Variants in AHCYL2 observed in about 807,000 individuals in gnomAD.
AHCYL2 encodes the protein adenosylhomocysteinase like 2, also known as S-adenosylhomocysteine hydrolase-like protein 2.
AHCYL2 carries 28 observed loss-of-function variants against 81.4 expected under a neutral mutation model. That is an observed-to-expected ratio of 0.34 (90% confidence interval 0.25 to 0.47). AHCYL2 has a LOEUF of 0.47. Ranked by LOEUF, AHCYL2 falls within the 20% of genes least tolerant of loss-of-function variation. The pLI is 1.00. For missense variants in AHCYL2, 551 were observed against 785.1 expected (o/e 0.70, Z 3.56); for synonymous variants, 272 against 290.2 (o/e 0.94, Z 0.64).
chr7:129,286,909 G>C (rs1385401340), intron 1 of AHCYL2, among the ~76,000 whole-genome samples: 1 of 152,042 alleles, frequency 6.6e-6, no homozygotes, highest in East Asian at 1.9e-4. Flanking sequence ...AACCCGCCAT[G>C]TGTTATTTAT....
chr7:129,422,776 C>T (rs1797173757), intron 12 of AHCYL2, 64 bp from the exon 13 acceptor site: 2 of 1,463,350 alleles, frequency 1.4e-6, no homozygotes, highest in Admixed American at 1.7e-5. Context: ...CTCCCTTCAA[C>T]ATCTTTCTGT....
At chr7:129,243,435 A>G (rs891514985) in intron 1 of AHCYL2, among the ~76,000 whole-genome samples, 1 of 152,208 alleles carries the variant, frequency 6.6e-6, no homozygotes, top group African/African-American at 2.4e-5. Context: ...AAATTTTAAT[A>G]TAAAATTGAT....
intron 2 of AHCYL2, chr7:129,388,819 GTGTTCTGAAGA>G (rs1795319740): frequency 2.3e-6 from 1 of 429,454 alleles, no homozygotes; most frequent in African/African-American, 2.0e-5. Context: ...GGACCTCTGC[GTGTTCTGAAGA>G]TAAAGTTAGC....
intron 1 of AHCYL2, among the ~76,000 whole-genome samples, chr7:129,349,468 C>CA (rs56205996): frequency 0.47 from 46,404 of 98,390 alleles, 11,315 homozygotes; most frequent in Non-Finnish European, 0.53. Context: ...CCATCTCTAC[C>CA]AAAAAAAAAA....
At chr7:129,278,114 TA>T (rs1461492458) in intron 1 of AHCYL2, among the ~76,000 whole-genome samples, 2 of 152,234 alleles carry the variant, frequency 1.3e-5, no homozygotes, top group Non-Finnish European at 2.9e-5. Context: ...CTGATTAGCA[TA>T]AAATAGTATT....
At chr7:129,339,574 A>C (rs1414454938) in intron 1 of AHCYL2, among the ~76,000 whole-genome samples, 1 of 152,060 alleles carries the variant, frequency 6.6e-6, no homozygotes, top group Non-Finnish European at 1.5e-5. Flanking sequence ...ATTTTTAGAG[A>C]CAGGATCTCT....
intron 1 of AHCYL2, among the ~76,000 whole-genome samples, chr7:129,326,208 A>G (rs894998541): frequency 6.6e-6 from 1 of 152,150 alleles, no homozygotes; most frequent in Non-Finnish European, 1.5e-5. Context: ...AATGCTGTCC[A>G]TATATTTTTG....
chr7:129,344,091 G>A (rs1425878839), intron 1 of AHCYL2, among the ~76,000 whole-genome samples: 1 of 152,156 alleles, frequency 6.6e-6, no homozygotes, highest in African/African-American at 2.4e-5. Flanking sequence ...CTGCACACCT[G>A]CTAGAATGGC....
chr7:129,395,437 A>G (rs1216927507), intron 4 of AHCYL2, among the ~76,000 whole-genome samples: 2 of 152,120 alleles, frequency 1.3e-5, no homozygotes, highest in African/African-American at 4.8e-5. Flanking sequence ...CTTTGCCTTG[A>G]ATCTGTGGTG....
At chr7:129,293,905 A>G (rs1796961252) in intron 1 of AHCYL2, among the ~76,000 whole-genome samples, 1 of 152,218 alleles carries the variant, frequency 6.6e-6, no homozygotes, top group African/African-American at 2.4e-5. Flanking sequence ...AAACTAATTT[A>G]GAGATTGTTA....
At chr7:129,409,395 T>G in intron 10 of AHCYL2, 81 bp from the exon 11 acceptor site, 1 of 1,031,218 alleles carries the variant, frequency 9.7e-7, no homozygotes, top group Non-Finnish European at 1.5e-6. Context: ...GACAGCAACT[T>G]GATATTAGCT....
At chr7:129,299,825 C>G (rs1467713180) in intron 1 of AHCYL2, among the ~76,000 whole-genome samples, 8 of 152,080 alleles carry the variant, frequency 5.3e-5, no homozygotes, top group Admixed American at 5.2e-4. Context: ...GATTCTTTAC[C>G]CACACATGTA....
chr7:129,251,285 A>G (rs945525157), intron 1 of AHCYL2, among the ~76,000 whole-genome samples: 1 of 145,880 alleles, frequency 6.9e-6, no homozygotes, highest in East Asian at 2.0e-4. Flanking sequence ...TGTCTTGTTC[A>G]CTGTATTGTT....
chr7:129,283,579 T>C (rs1409351294), intron 1 of AHCYL2, among the ~76,000 whole-genome samples: 1 of 152,212 alleles, frequency 6.6e-6, no homozygotes, highest in Non-Finnish European at 1.5e-5. Context: ...TTTTCTAGAC[T>C]TTAAAATTAA....
At chr7:129,344,453 C>G (rs1793292310) in intron 1 of AHCYL2, among the ~76,000 whole-genome samples, 1 of 152,100 alleles carries the variant, frequency 6.6e-6, no homozygotes, top group Non-Finnish European at 1.5e-5. Context: ...GGATGAATCT[C>G]AAAAACATTA....
At chr7:129,301,424 G>T (rs1797252124) in intron 1 of AHCYL2, among the ~76,000 whole-genome samples, 1 of 152,150 alleles carries the variant, frequency 6.6e-6, no homozygotes, top group African/African-American at 2.4e-5. Flanking sequence ...ATTTACTCAA[G>T]AAATCTTTGC....
At chr7:129,349,468 C>CAAAAA (rs56205996) in intron 1 of AHCYL2, among the ~76,000 whole-genome samples, 5 of 98,462 alleles carry the variant, frequency 5.1e-5, no homozygotes, top group Admixed American at 1.3e-4. Flanking sequence ...CCATCTCTAC[C>CAAAAA]AAAAAAAAAA....
chr7:129,379,484 T>C (rs1794848753), intron 1 of AHCYL2, among the ~76,000 whole-genome samples, 154 bp from the exon 2 acceptor site: 1 of 151,778 alleles, frequency 6.6e-6, no homozygotes, highest in African/African-American at 2.4e-5. Context: ...AATGAAAAAG[T>C]ATTCTTATCT....
At chr7:129,244,195 A>T (rs1794969314) in intron 1 of AHCYL2, among the ~76,000 whole-genome samples, 1 of 149,232 alleles carries the variant, frequency 6.7e-6, no homozygotes, top group Non-Finnish European at 1.5e-5. Context: ...GTAGATACAG[A>T]GTCTTGCTAT....
Sources: allele counts gnomAD v4.1 joint callset (sites outside exome capture counted in the v4.1 genomes callset), GRCh38; gene constraint gnomAD v4.1.1; transcripts MANE v1.5; gene names NCBI Gene and HGNC (gene_info 2026-07-23, HGNC 2026-07-21).